The following MACF1 variants were observed in gnomAD, a reference collection of about 807,000 sequenced individuals.
MACF1 encodes the protein microtubule-actin cross-linking factor 1.
Under a neutral mutation model 854.8 loss-of-function variants are expected in MACF1, and 193 were observed. That is an observed-to-expected ratio of 0.23 (90% CI 0.20 to 0.25). The LOEUF is 0.25. MACF1 is among the 10% of genes least tolerant of loss of function. The probability of loss-of-function intolerance (pLI) is 1.00; values close to 1 mark genes in which losing one functional copy is unlikely to be tolerated. For missense variants in MACF1, 7,722 were observed against 8,929.1 expected, an observed-to-expected ratio of 0.86 and a Z score of 5.45; for synonymous variants, 3,185 against 3,226.7, an observed-to-expected ratio of 0.99 and a Z score of 0.44.
chr1:39,298,077 A>G (rs574268735), intron 21 of MACF1, among the ~76,000 whole-genome samples: 20 of 152,138 alleles, frequency 1.3e-4, no homozygotes, highest in African/African-American at 4.1e-4. Flanking sequence ...GGTGTTGAGC[A>G]TGAAGAAAAG....
chr1:39,121,504 C>G (rs1467339046), intron 2 of MACF1, among the ~76,000 whole-genome samples: 3 of 152,090 alleles, frequency 2.0e-5, no homozygotes, highest in Non-Finnish European at 4.4e-5. Context: ...GTCTGGAGTG[C>G]GGTGGCACTA....
intron 40 of MACF1, among the ~76,000 whole-genome samples, chr1:39,341,589 T>C (rs1025682840): frequency 3.3e-5 from 5 of 151,484 alleles, no homozygotes; most frequent in African/African-American, 1.2e-4. Flanking sequence ...TCCCAGCTAC[T>C]TGGGAGCCTG....
At chr1:39,289,285 C>G (rs577073119) in intron 15 of MACF1, among the ~76,000 whole-genome samples, 33 of 152,264 alleles carry the variant, frequency 2.2e-4, no homozygotes, top group African/African-American at 7.2e-4. Flanking sequence ...TACAGTAGCT[C>G]TATTGTTAGT....
At chr1:39,466,789 G>A (rs1477603672) in intron 95 of MACF1, among the ~76,000 whole-genome samples, 1 of 152,218 alleles carries the variant, frequency 6.6e-6, no homozygotes. Flanking sequence ...CTACCACACA[G>A]TGCTTTTGCT....
chr1:39,422,421 G>C lies in MACF1; in HGVS notation c.15864G>C (p.Gln5288His). ...ATCCTCTTCAGATGAAATTGCAGCA[G>C]GTGAATGGACTTGGCCAGGGATTAA... ...QVDPLQMKLQQVNGLGQGLIQ... is the reference protein window; with the variant it reads ...QVDPLQMKLQHVNGLGQGLIQ... The change falls in exon 59 of 101, where the codon CAG (glutamine) becomes CAC (histidine). Residue 5288 changes from glutamine (Q) to histidine (H), a missense_variant. Gln to His is a conservative substitution (Grantham distance 24). Coordinates refer to ENST00000564288, the MANE Select transcript of MACF1 (RefSeq NM_001394062.1). 6.2e-7 allele frequency: 1 copy of C among 1,614,196 alleles called. No homozygotes were observed. Among genetic ancestry groups the C allele is most frequent in the Non-Finnish European group, 8.5e-7 (1 of 1,180,024 alleles).
intron 2 of MACF1, among the ~76,000 whole-genome samples, chr1:39,186,135 T>C (rs1031678907): frequency 2.0e-5 from 3 of 149,862 alleles, no homozygotes; most frequent in Non-Finnish European, 4.4e-5. Context: ...TTCCAGAATG[T>C]TAAGGGAATC....
chr1:39,224,034 G>A (rs999219621), intron 1 of MACF1, among the ~76,000 whole-genome samples: 2 of 152,130 alleles, frequency 1.3e-5, no homozygotes, highest in Admixed American at 6.6e-5. Context: ...ATATATGAGA[G>A]TGGTAAAGGC....
At position 39,460,727 on chromosome 1, in the gene MACF1, G is replaced by A. The variant is rs1348802085; in HGVS notation, c.21456G>A (p.Arg7152=). ...AGTCTCGAGTGATGGATTTCTTCCG[G>A]CGCATTGATAAGGACCAGGATGGGA... is the stretch of plus-strand genomic sequence containing the variant. The part of the protein sequence containing the change: ...HKKSRVMDFF[R]RIDKDQDGKI... Residue 7152 remains arginine, a synonymous_variant, in exon 92 of 101, where the codon CGG becomes CGA. Transcript: ENST00000564288. The surrounding 1 kb of genome is among the most constrained non-coding windows in gnomAD (Gnocchi z 4.1). The A allele has an allele frequency of 1.2e-6, 2 of 1,614,082 alleles. No homozygotes were observed. Among genetic ancestry groups the A allele is most frequent in the Non-Finnish European group, 8.5e-7 (1 of 1,180,040 alleles).
intron 2 of MACF1, among the ~76,000 whole-genome samples, chr1:39,160,516 A>G (rs909700310): frequency 6.6e-6 from 1 of 152,192 alleles, no homozygotes; most frequent in Non-Finnish European, 1.5e-5. Context: ...TGCTTCATTC[A>G]CTTATATACA....
chr1:39,360,925 T>C lies in MACF1; in HGVS notation c.12377T>C (p.Val4126Ala). The C allele has an allele frequency of 3.1e-6, 5 of 1,613,968 alleles. No homozygotes were observed. The highest frequency in any genetic ancestry group is 3.4e-6 in the Non-Finnish European group (4 of 1,179,998). Residue 4126 changes from valine to alanine, a missense_variant, in exon 48 of 101, where the codon GTT becomes GCT. Physicochemically the swap from Val to Ala is moderately conservative, Grantham distance 64 (BLOSUM62 0). Transcript: ENST00000564288. ...LESLLQSIGEVEQNLEGKQVS... is the reference protein window; with the variant it reads ...LESLLQSIGEAEQNLEGKQVS... ...AGCCTGTTGCAGTCTATTGGGGAAG[T>C]TGAACAAAACCTGGAAGGGAAGCAG...
chr1:39,106,482 G>A (rs1642241541), intron 2 of MACF1, among the ~76,000 whole-genome samples: 2 of 152,198 alleles, frequency 1.3e-5, no homozygotes, highest in African/African-American at 4.8e-5. Flanking sequence ...CCTAACTGCT[G>A]TAGGTGCCCC....
intron 7 of MACF1, 131 bp downstream of exon 7, chr1:39,282,505 A>T: frequency 9.0e-7 from 1 of 1,109,470 alleles, no homozygotes; most frequent in Non-Finnish European, 1.2e-6. Context: ...TTGAAAAAGA[A>T]ACATTTATTT....
chr1:39,450,650 C>T (rs1644323924), intron 84 of MACF1, among the ~76,000 whole-genome samples: 1 of 126,854 alleles, frequency 7.9e-6, no homozygotes, highest in Non-Finnish European at 1.6e-5. Flanking sequence ...CTCGCTCTGT[C>T]TCCCAGGCTG....
intron 56 of MACF1, among the ~76,000 whole-genome samples, chr1:39,382,696 T>A (rs569687503): frequency 1.0e-4 from 14 of 136,170 alleles, no homozygotes; most frequent in African/African-American, 4.0e-4. Flanking sequence ...AAAAAAAAAA[T>A]TTTTTTTTAC....
intron 2 of MACF1, among the ~76,000 whole-genome samples, chr1:39,234,696 C>T (rs1644835465): frequency 7.5e-6 from 1 of 133,654 alleles, no homozygotes; most frequent in Admixed American, 7.5e-5. Context: ...GGAGACGCTC[C>T]TCACTTCCCA....
At chr1:39,304,294 TCA>T in intron 23 of MACF1, 1 of 623,974 alleles carries the variant, frequency 1.6e-6, no homozygotes, top group South Asian at 1.4e-5. Flanking sequence ...GTGACTTATT[TCA>T]CTCTACGTGC....
chr1:39,419,290 A>C (rs1378147015), intron 58 of MACF1, among the ~76,000 whole-genome samples: 1 of 152,268 alleles, frequency 6.6e-6, no homozygotes, highest in Non-Finnish European at 1.5e-5. Flanking sequence ...GAAATGAAGG[A>C]ATAGCTAATG....
At chr1:39,197,768 C>T (rs1043603276) in intron 2 of MACF1, among the ~76,000 whole-genome samples, 2 of 152,086 alleles carry the variant, frequency 1.3e-5, no homozygotes, top group East Asian at 3.8e-4. Flanking sequence ...TGTTTATAGT[C>T]CCAGCTCCTC....
chr1:39,449,079 C>T lies in MACF1; in HGVS notation c.20258+316C>T, dbSNP rs551679940. 1.2e-4 allele frequency among the ~76,000 whole-genome samples: 18 copies of T among 152,280 alleles called. No homozygotes were observed. In the South Asian group the frequency reaches 1.5e-3, roughly 12 times the overall value. Reference sequence around the variant, plus strand: ...TCTTATTGACTGCTCTTGGACACTCCAAAGCCTCTACATGCATTACCTCAT... The same window carrying T: ...TCTTATTGACTGCTCTTGGACACTCTAAAGCCTCTACATGCATTACCTCAT... On this transcript the variant is annotated intron_variant, in intron 84 of 100. Coordinates refer to ENST00000564288, the MANE Select transcript of MACF1 (RefSeq NM_001394062.1).
Sources: gnomAD v4.1 joint callset for allele counts (sites outside exome capture counted in the v4.1 genomes callset) on GRCh38, gnomAD v4.1.1 for gene constraint, Gnocchi (gnomAD v3.1) non-coding constraint, MANE v1.5 for transcripts, NCBI Gene and HGNC (gene_info 2026-07-23, HGNC 2026-07-21) for gene names.